The following ADGRA1 variants were observed in gnomAD, a reference collection of about 807,000 sequenced individuals.
ADGRA1 encodes adhesion G protein-coupled receptor A1.
A neutral mutation model predicts 21.3 loss-of-function variants in ADGRA1; 12 were observed. The ratio of observed to expected loss-of-function variants is 0.56; its 90% CI spans 0.36 to 0.91. ADGRA1 has a LOEUF of 0.91. Ranked by LOEUF, ADGRA1 falls within the 40% of genes least tolerant of loss-of-function variation. The probability of loss-of-function intolerance (pLI) is 0.01; values close to 1 mark genes in which losing one functional copy is unlikely to be tolerated. For synonymous variants in ADGRA1, 385 were observed against 368.8 expected, an observed-to-expected ratio of 1.04 and a Z score of -0.50; for missense variants, 790 against 805.6, an observed-to-expected ratio of 0.98 and a Z score of 0.23.
rs1024364030 is a variant in ADGRA1, at chr10:133,130,738, G to T, written c.*1227G>T. 1 of 146,438 alleles carries T rather than the reference G, an allele frequency of 6.8e-6. No homozygotes were observed. Among genetic ancestry groups the T allele is most frequent in the Non-Finnish European group, 1.5e-5 (1 of 67,180 alleles). The allele number at this position is 146,438 out of a possible 1,614,324, so 9.1% of individuals were successfully genotyped here. On this transcript the variant is annotated 3_prime_UTR_variant, in exon 7 of 7. Coordinates refer to ENST00000392607, the MANE Select transcript of ADGRA1 (RefSeq NM_001083909.3). ...CACACACGCGCACACACCCAAACAC[G>T]TGCATATCACACACATGCACACACA...
At chr10:133,116,950 G>GAT (rs1157374848) in intron 5 of ADGRA1, among the ~76,000 whole-genome samples, 1 of 152,144 alleles carries the variant, frequency 6.6e-6, no homozygotes, top group African/African-American at 2.4e-5. Context: ...GGTAAAGGGC[G>GAT]ATGGGGACGC....
Position 133,129,071 on chromosome 10 carries a change from G to C in ADGRA1, c.1243G>C (p.Gly415Arg), listed in dbSNP as rs759466398. ...GAFGHDPHLHGCLQGRTKPPY... is the reference protein window; with the variant it reads ...GAFGHDPHLHRCLQGRTKPPY... Reference sequence around the variant, plus strand: ...CTTCGGGCACGACCCCCACCTGCACGGGTGCCTTCAGGGCAGAACTAAGCC... The same window carrying C: ...CTTCGGGCACGACCCCCACCTGCACCGGTGCCTTCAGGGCAGAACTAAGCC... Residue 415 changes from glycine (G) to arginine (R), a missense_variant, in exon 7 of 7, where the codon GGG (glycine) becomes CGG (arginine). This residue lies in a region of ADGRA1 where 391 missense variants were observed against 351.5 expected (regional missense o/e 1.11). Transcript: ENST00000392607. 18 of 1,550,714 alleles carry C rather than the reference G, an allele frequency of 1.2e-5. No individual in the cohort carries two copies. Among genetic ancestry groups the C allele is most frequent in the Non-Finnish European group, 1.5e-5 (17 of 1,145,762 alleles).
chr10:133,123,364 C>G (rs532040358), intron 5 of ADGRA1, among the ~76,000 whole-genome samples: 6 of 152,356 alleles, frequency 3.9e-5, no homozygotes, highest in Admixed American at 3.9e-4. Flanking sequence ...GCGGCAGAGA[C>G]TTTCCCTTTC....
Position 133,115,876 on chromosome 10 carries a change from C to G in ADGRA1, c.402-11357C>G, listed in dbSNP as rs181758639. 3.0e-3 allele frequency among the ~76,000 whole-genome samples: 460 copies of G among 152,290 alleles called. 3 individuals carry two copies. The highest frequency in any genetic ancestry group is 6.8e-3 in the Middle Eastern group (2 of 294). ...CCTGGTGTACTACAGCCCCCAACCC[C>G]TCCCTGCCTTCCAGAGACCCTGCCC... On this transcript the variant is annotated intron_variant, in intron 5 of 6. Transcript: ENST00000392607.
At position 133,128,848 on chromosome 10, in the gene ADGRA1, C is replaced by G. The variant is rs777229765; in HGVS notation, c.1020C>G (p.Arg340=). 5 of 1,586,194 alleles carry G rather than the reference C, an allele frequency of 3.2e-6. No homozygotes were observed. The highest frequency in any genetic ancestry group is 3.4e-6 in the Non-Finnish European group (4 of 1,169,820). ...ACGCCAACGGGGCCGCGCTGGGCCG[C>G]GCCGCCTGCCTGCACTCGCCGGGAC... ...ALDANGAALG[R]AACLHSPGLG... Residue 340 remains arginine, a synonymous_variant, in exon 7 of 7, where the codon CGC becomes CGG. Coordinates refer to ENST00000392607, the MANE Select transcript of ADGRA1 (RefSeq NM_001083909.3).
At chr10:133,094,684 G>A (rs772778245) in intron 2 of ADGRA1, among the ~76,000 whole-genome samples, 26 of 152,146 alleles carry the variant, frequency 1.7e-4, no homozygotes, top group Non-Finnish European at 2.9e-4. Context: ...GGCTTCTCTC[G>A]CGGATCTGGG....
At chr10:133,115,312 CA>C (rs962694347) in intron 5 of ADGRA1, among the ~76,000 whole-genome samples, 1 of 152,200 alleles carries the variant, frequency 6.6e-6, no homozygotes, top group African/African-American at 2.4e-5. Flanking sequence ...GGCAATGGCA[CA>C]CAGGCTCTGC....
intron 2 of ADGRA1, among the ~76,000 whole-genome samples, chr10:133,089,750 T>C (rs973126742): frequency 3.9e-5 from 6 of 152,236 alleles, no homozygotes; most frequent in Non-Finnish European, 7.3e-5. Flanking sequence ...ATTTTCTTCT[T>C]GTTCCGTTCG....
At chr10:133,104,506 G>A (rs777453961) in intron 5 of ADGRA1, among the ~76,000 whole-genome samples, 10 of 152,180 alleles carry the variant, frequency 6.6e-5, no homozygotes, top group African/African-American at 1.4e-4. Flanking sequence ...CCCGGGGCTC[G>A]GCACTGACCG....
At chr10:133,089,816 C>A (rs1043092436) in intron 2 of ADGRA1, among the ~76,000 whole-genome samples, 1 of 152,234 alleles carries the variant, frequency 6.6e-6, no homozygotes, top group African/African-American at 2.4e-5. Context: ...CTTCCAGTGG[C>A]TGCTTCACCT....
In ADGRA1 at chr10:133,118,895, C is replaced by T. The variant is rs146073911; in HGVS notation, c.402-8338C>T. 3.5e-3 allele frequency among the ~76,000 whole-genome samples: 520 copies of T among 149,052 alleles called. 3 individuals are homozygous for T. The highest frequency in any genetic ancestry group is 9.3e-3 in the African/African-American group (380 of 40,716). On this transcript the variant is annotated intron_variant, in intron 5 of 6. Transcript: ENST00000392607. Reference sequence around the variant, plus strand: ...ACACACATGCACTCATACACTTACACTCACACACGTACACTCACACACCAC... The same window carrying T: ...ACACACATGCACTCATACACTTACATTCACACACGTACACTCACACACCAC...
intron 5 of ADGRA1, among the ~76,000 whole-genome samples, chr10:133,124,173 G>A (rs933490253): frequency 7.3e-5 from 11 of 150,518 alleles, no homozygotes; most frequent in Admixed American, 2.0e-4. Context: ...CACCCTCCCC[G>A]GCCAGGCCAC....
intron 2 of ADGRA1, among the ~76,000 whole-genome samples, chr10:133,096,416 G>A (rs1851689565): frequency 6.6e-6 from 1 of 152,232 alleles, no homozygotes; most frequent in Non-Finnish European, 1.5e-5. Context: ...CCGAGAAGCA[G>A]GTGGAGTTTG....
At chr10:133,094,498 C>T (rs1016694186) in intron 2 of ADGRA1, among the ~76,000 whole-genome samples, 6 of 152,164 alleles carry the variant, frequency 3.9e-5, no homozygotes, top group Admixed American at 6.5e-5. Context: ...CAGGAAGGCG[C>T]GGCGGCCACA....
At chr10:133,110,333 G>C (rs1047560693) in intron 5 of ADGRA1, among the ~76,000 whole-genome samples, 6 of 152,290 alleles carry the variant, frequency 3.9e-5, no homozygotes, top group Admixed American at 6.5e-5. Flanking sequence ...CACAGCTACG[G>C]AGCCTCACAC....
chr10:133,124,333 G>A (rs542335450), intron 5 of ADGRA1, among the ~76,000 whole-genome samples: 8 of 152,292 alleles, frequency 5.3e-5, no homozygotes, highest in South Asian at 2.1e-4. Context: ...GTCAGCTCCC[G>A]CTTTGCCCCT....
In ADGRA1 at chr10:133,128,824, C is replaced by T. The variant is rs770749898; in HGVS notation, c.996C>T (p.Asp332=). The change falls in exon 7 of 7, where the codon GAC becomes GAT. Residue 332 remains aspartate, a synonymous_variant. Coordinates refer to ENST00000392607, the MANE Select transcript of ADGRA1 (RefSeq NM_001083909.3). ...PPRKDAHPAL[D]ANGAALGRAA... The stretch of plus-strand genomic sequence containing the variant: ...GCAAGGACGCCCACCCCGCACTTGA[C>T]GCCAACGGGGCCGCGCTGGGCCGCG... The T allele has an allele frequency of 3.9e-5, 62 of 1,603,284 alleles. No individual in the cohort carries two copies. Among genetic ancestry groups the T allele is most frequent in the Admixed American group, 1.3e-4 (8 of 59,598 alleles).
In ADGRA1 at chr10:133,102,747, A is replaced by T; in HGVS notation, c.306A>T (p.Gly102=). ...YSTLSTMLWI[G]VTARNIYKQV... is the part of the protein sequence containing the mutation. Reference sequence around the variant, plus strand: ...CACTGTCCACCATGCTGTGGATAGGAGTGACCGCCAGGAACATCTACAAGC... The same window carrying T: ...CACTGTCCACCATGCTGTGGATAGGTGTGACCGCCAGGAACATCTACAAGC... Residue 102 remains glycine (G), a synonymous_variant, in exon 5 of 7, where the codon GGA becomes GGT. Transcript: ENST00000392607. 1 of 1,612,708 alleles carries T rather than the reference A, an allele frequency of 6.2e-7. No homozygotes were observed. The highest frequency in any genetic ancestry group is 8.5e-7 in the Non-Finnish European group (1 of 1,179,824).
chr10:133,100,432 C>A (rs1564844962), intron 4 of ADGRA1, among the ~76,000 whole-genome samples: 1 of 152,234 alleles, frequency 6.6e-6, no homozygotes, highest in African/African-American at 2.4e-5. Context: ...GGTGAGGCCC[C>A]CCGAGGGCCT....
Sources: gnomAD v4.1 joint callset for allele counts (sites outside exome capture counted in the v4.1 genomes callset) on GRCh38, gnomAD v4.1.1 for gene constraint, gnomAD v4.1.1 regional missense constraint, MANE v1.5 for transcripts, NCBI Gene and HGNC (gene_info 2026-07-23, HGNC 2026-07-21) for gene names.